The following DPY19L3 variants were observed in gnomAD, a reference collection of about 807,000 sequenced individuals.
The protein encoded by DPY19L3 is dpy-19 like C-mannosyltransferase 3.
Under a neutral mutation model 92.3 loss-of-function variants are expected in DPY19L3, and 51 were observed. The ratio of observed to expected loss-of-function variants is 0.55; its 90% CI spans 0.44 to 0.70. DPY19L3 has a LOEUF of 0.70. Among genes scored for constraint, DPY19L3 ranks in the 30% least tolerant of loss-of-function variants. The probability of loss-of-function intolerance (pLI) is 0.00; values close to 1 mark genes in which losing one functional copy is unlikely to be tolerated. For synonymous variants in DPY19L3, 309 were observed against 315.2 expected, an observed-to-expected ratio of 0.98 and a Z score of 0.21; for missense variants, 706 against 855.9, an observed-to-expected ratio of 0.82 and a Z score of 2.18.
intron 3 of DPY19L3, among the ~76,000 whole-genome samples, chr19:32,416,268 A>G (rs4805759): frequency 0.89 from 134,928 of 152,234 alleles, 60,067 homozygotes; most frequent in African/African-American, 0.97. Context: ...AGAGGCTGTC[A>G]GTCCAAGCTG....
At chr19:32,459,631 G>A (rs1433536452) in intron 12 of DPY19L3, among the ~76,000 whole-genome samples, 1 of 152,174 alleles carries the variant, frequency 6.6e-6, no homozygotes, top group African/African-American at 2.4e-5. Flanking sequence ...CATAGCAAGT[G>A]TCAACAGGAC....
At position 32,449,613 on chromosome 19, in the gene DPY19L3, C is replaced by T. The variant is rs573923261; in HGVS notation, c.856-3532C>T. ...ATAGAATTGAGAGAGAGAAATAAAC[C>T]TGCACAAGAAATGGTCAATTAATTT... On this transcript the variant is annotated intron_variant, in intron 8 of 18. Transcript: ENST00000392250. Among the ~76,000 whole-genome samples, 15 of 152,146 alleles carry T rather than the reference C, an allele frequency of 9.9e-5. No homozygotes were observed. In the South Asian group the frequency reaches 3.1e-3, roughly 32 times the overall value.
intron 16 of DPY19L3, among the ~76,000 whole-genome samples, chr19:32,471,380 G>GC (rs1970352973): frequency 6.6e-6 from 1 of 152,166 alleles, no homozygotes; most frequent in Non-Finnish European, 1.5e-5. Flanking sequence ...TTCTGCCCAT[G>GC]CAATCATCAC....
rs1970705297 is a variant in DPY19L3, at chr19:32,482,510, A to G, written c.*270A>G. The G allele has an allele frequency of 2.9e-6, 1 of 344,040 alleles. No individual in the cohort carries two copies. The highest frequency in any genetic ancestry group is 2.1e-5 in the African/African-American group (1 of 46,832). 21.3% of individuals were successfully genotyped at this position (344,040 alleles called of 1,614,324 possible). A position where few individuals can be genotyped will look rare whatever the true frequency, so the allele number is the denominator to read the frequency against. On this transcript the variant is annotated 3_prime_UTR_variant, in exon 19 of 19. Coordinates refer to ENST00000392250, the MANE Select transcript of DPY19L3 (RefSeq NM_001172774.2). ...GAGTGACCTAGAATTATGTTGTTGG[A>G]GAGAATGATGTGTGTTCCATGGATA...
Position 32,463,878 on chromosome 19 carries a change from C to T in DPY19L3, c.1455C>T (p.Tyr485=), listed in dbSNP as rs1302968479. ...GTGTCTGTTCTTGCAGAATGAAGTA[C>T]CTCTGGACGTCACACATGTGTGTGT... ...FLALSTMRMK[Y]LWTSHMCVFA... is the part of the protein sequence containing the mutation. Residue 485 remains tyrosine (Y), a synonymous_variant, in exon 14 of 19, where the codon TAC becomes TAT. Transcript: ENST00000392250. 1.2e-6 allele frequency: 2 copies of T among 1,613,052 alleles called. No individual in the cohort carries two copies. Among genetic ancestry groups the T allele is most frequent in the African/African-American group, 1.3e-5 (1 of 74,998 alleles).
intron 3 of DPY19L3, among the ~76,000 whole-genome samples, chr19:32,428,828 T>TG (rs386388879): frequency 1.2e-4 from 18 of 149,758 alleles, no homozygotes; most frequent in African/African-American, 3.2e-4. Flanking sequence ...ACAGTTTTTT[T>TG]TTTGTTTTTT....
chr19:32,476,363 A>C (rs1217828597), intron 16 of DPY19L3, among the ~76,000 whole-genome samples: 1 of 152,036 alleles, frequency 6.6e-6, no homozygotes, highest in Non-Finnish European at 1.5e-5. Context: ...AGTTCAGTCC[A>C]GCAGGCACAG....
intron 8 of DPY19L3, among the ~76,000 whole-genome samples, chr19:32,445,452 A>AAAAAAAAC (rs1969465235): frequency 1.3e-5 from 2 of 149,094 alleles, no homozygotes; most frequent in Non-Finnish European, 3.0e-5. Flanking sequence ...AAAAAAAAAA[A>AAAAAAAAC]AAAAAAAAAC....
intron 1 of DPY19L3, among the ~76,000 whole-genome samples, chr19:32,407,002 C>CTTTTT (rs11428433): frequency 7.6e-6 from 1 of 132,240 alleles, no homozygotes; most frequent in Non-Finnish European, 1.6e-5. Flanking sequence ...TGGCTTCCTG[C>CTTTTT]TTTTTTTTTT....
intron 18 of DPY19L3, 96 bp from the exon 19 acceptor site, chr19:32,481,983 A>G: frequency 1.5e-6 from 2 of 1,347,558 alleles, no homozygotes; most frequent in Non-Finnish European, 1.0e-6. Flanking sequence ...TTTCACTCAC[A>G]TACCATTCTT....
rs1433932639 is a variant in DPY19L3, at chr19:32,484,896, G to A, written c.*2656G>A. ...CCAATAAAAGTTGCTTTTAAATTAGGTGTGGCTGGGAATATTATAAGATAT... is the reference window on the plus strand; with the variant it reads ...CCAATAAAAGTTGCTTTTAAATTAGATGTGGCTGGGAATATTATAAGATAT... On this transcript the variant is annotated 3_prime_UTR_variant, in exon 19 of 19. Transcript: ENST00000392250. 1 of 152,166 alleles carries A rather than the reference G, an allele frequency of 6.6e-6. No homozygotes were observed. The highest frequency in any genetic ancestry group is 1.5e-5 in the Non-Finnish European group (1 of 68,044). The allele number at this position is 152,166 out of a possible 1,614,324, so 9.4% of individuals were successfully genotyped here.
chr19:32,474,988 C>G (rs1970463494), intron 16 of DPY19L3, among the ~76,000 whole-genome samples: 1 of 152,122 alleles, frequency 6.6e-6, no homozygotes, highest in South Asian at 2.1e-4. Context: ...GTTATAACTC[C>G]CTAGAGGGCA....
rs1325599470 is a variant in DPY19L3 at position 32,408,321 on chromosome 19, A to T, written c.68A>T (p.Glu23Val). The T allele has an allele frequency of 2.5e-6, 4 of 1,613,796 alleles. No individual in the cohort carries two copies. The highest frequency in any genetic ancestry group is 1.1e-5 in the South Asian group (1 of 90,962). ...GTTTCTGAAGACTTTCCAGCCCAAGAAGAAAATGTGAAGTTGGAAAATAAA... is the reference window on the plus strand; with the variant it reads ...GTTTCTGAAGACTTTCCAGCCCAAGTAGAAAATGTGAAGTTGGAAAATAAA... ...TEVSEDFPAQ[E>V]ENVKLENKLP... The change falls in exon 2 of 19, where the codon GAA becomes GTA. Residue 23 changes from glutamate (E) to valine (V), a missense_variant. Transcript: ENST00000392250.
chr19:32,452,655 G>T (rs1969739892), intron 8 of DPY19L3, among the ~76,000 whole-genome samples: 1 of 151,964 alleles, frequency 6.6e-6, no homozygotes, highest in African/African-American at 2.4e-5. Context: ...TTATTAAAAG[G>T]TAAATAAACA....
intron 15 of DPY19L3, among the ~76,000 whole-genome samples, chr19:32,465,105 T>A (rs987147746): frequency 1.3e-5 from 2 of 152,222 alleles, no homozygotes; most frequent in African/African-American, 4.8e-5. Flanking sequence ...AGTAGGAAAA[T>A]TATTTTCCCA....
intron 9 of DPY19L3, among the ~76,000 whole-genome samples, chr19:32,453,701 T>C (rs1199013602): frequency 6.6e-6 from 1 of 152,128 alleles, no homozygotes; most frequent in African/African-American, 2.4e-5. Flanking sequence ...ATGCTACTCT[T>C]TTCCCCATCC....
chr19:32,479,219 A>G (rs1285895615), intron 17 of DPY19L3, among the ~76,000 whole-genome samples: 1 of 152,116 alleles, frequency 6.6e-6, no homozygotes, highest in East Asian at 1.9e-4. Context: ...TAAAATAGGA[A>G]TTTTTTGATG....
intron 16 of DPY19L3, among the ~76,000 whole-genome samples, chr19:32,473,404 C>CTATTT (rs1190175932): frequency 1.3e-5 from 2 of 152,150 alleles, no homozygotes; most frequent in African/African-American, 4.8e-5. Context: ...AGCACATTAG[C>CTATTT]TATTTTAGAT....
chr19:32,434,425 G>C (rs1254788458), intron 4 of DPY19L3, among the ~76,000 whole-genome samples: 1 of 152,206 alleles, frequency 6.6e-6, no homozygotes, highest in Non-Finnish European at 1.5e-5. Flanking sequence ...GGGAGGCCGA[G>C]GCGGATGGAT....
Sources: gnomAD v4.1 joint callset for allele counts (sites outside exome capture counted in the v4.1 genomes callset) on GRCh38, gnomAD v4.1.1 for gene constraint, MANE v1.5 for transcripts, NCBI Gene and HGNC (gene_info 2026-07-23, HGNC 2026-07-21) for gene names.